Variants in SI observed in about 807,000 individuals in gnomAD.
SI encodes sucrase-isomaltase.
A neutral mutation model predicts 253.3 loss-of-function variants in SI; 235 were observed. The observed-to-expected ratio is 0.93, with a 90% CI of 0.83 to 1.03. The LOEUF (loss-of-function observed/expected upper bound fraction) is 1.03. Among genes scored for constraint, SI ranks in the 50% least tolerant of loss-of-function variants. SI has a pLI of 0.00. For missense variants in SI, 2,442 were observed against 2,211.1 expected (o/e 1.10, Z -2.09); for synonymous variants, 819 against 712.0 (o/e 1.15, Z -2.39).
intron 2 of SI, among the ~76,000 whole-genome samples, chr3:165,075,295 A>T (rs1295126844): frequency 1.3e-5 from 2 of 152,038 alleles, no homozygotes. Context: ...AGTCTAGAAG[A>T]TAATGTGTAA....
At chr3:165,065,236 T>C (rs940450895) in intron 7 of SI, 25 bp downstream of exon 7, 46 of 1,494,542 alleles carry the variant, frequency 3.1e-5, no homozygotes, top group Non-Finnish European at 4.3e-5. Flanking sequence ...TGATTTTATT[T>C]ATAACAAGAA....
intron 3 of SI, among the ~76,000 whole-genome samples, chr3:165,070,378 GTGTT>G (rs1001643723): frequency 1.2e-4 from 17 of 144,990 alleles, no homozygotes; most frequent in African/African-American, 4.2e-4. Flanking sequence ...GTGTGTGTGT[GTGTT>G]TGAGTATGTA....
intron 19 of SI, 60 bp from the exon 20 acceptor site, chr3:165,039,194 A>G: frequency 8.5e-7 from 1 of 1,182,324 alleles, no homozygotes; most frequent in Non-Finnish European, 1.2e-6. Context: ...GATCTTATCA[A>G]ATATTAAGTT....
At chr3:165,021,205 A>T (rs201887924) in intron 27 of SI, 24 bp downstream of exon 27, 4 of 1,596,952 alleles carry the variant, frequency 2.5e-6, no homozygotes, top group African/African-American at 1.3e-5. Flanking sequence ...AATATCCTTT[A>T]TATCAAATAA....
chr3:165,017,149 A>G (rs1473991074), intron 31 of SI, among the ~76,000 whole-genome samples: 1 of 151,926 alleles, frequency 6.6e-6, no homozygotes, highest in Non-Finnish European at 1.5e-5. Flanking sequence ...AGGGCAAAAA[A>G]AAAATTAGTT....
At chr3:165,069,286 A>G in intron 3 of SI, 91 bp from the exon 4 acceptor site, 1 of 916,046 alleles carries the variant, frequency 1.1e-6, no homozygotes, top group Non-Finnish European at 1.8e-6. Context: ...ATTTTAAAAT[A>G]ATCTAACTTT....
At chr3:165,014,020 C>G (rs1010580075) in intron 33 of SI, among the ~76,000 whole-genome samples, 2 of 152,142 alleles carry the variant, frequency 1.3e-5, no homozygotes, top group Non-Finnish European at 2.9e-5. Flanking sequence ...TGCCACTGTG[C>G]CCAGCCCTGT....
At chr3:164,984,726 T>C (rs1717355990) in intron 45 of SI, among the ~76,000 whole-genome samples, 1 of 152,164 alleles carries the variant, frequency 6.6e-6, no homozygotes, top group African/African-American at 2.4e-5. Flanking sequence ...GAAGTTCATT[T>C]TGATTTACCT....
chr3:165,049,298 T>C lies in SI; in HGVS notation c.1598-54A>G, dbSNP rs958371271. 20 of 1,012,756 alleles carry C rather than the reference T, an allele frequency of 2.0e-5. No homozygotes were observed. In the East Asian group the frequency reaches 5.0e-4, roughly 25 times the overall value. 62.7% of individuals were successfully genotyped at this position (1,012,756 alleles called of 1,614,324 possible). A position where few individuals can be genotyped will look rare whatever the true frequency, so the allele number is the denominator to read the frequency against. ...TTATATTTTTCCATTATAAAAGTTATATATTTTCCATCATAAATGTCATAT... is the reference window on the plus strand; with the variant it reads ...TTATATTTTTCCATTATAAAAGTTACATATTTTCCATCATAAATGTCATAT... On this transcript the variant is annotated intron_variant, in intron 14 of 47. Coordinates refer to ENST00000264382, the MANE Select transcript of SI (RefSeq NM_001041.4).
At chr3:165,006,736 G>T (rs965454245) in intron 37 of SI, 80 bp downstream of exon 37, 6 of 1,225,660 alleles carry the variant, frequency 4.9e-6, no homozygotes, top group African/African-American at 4.5e-5. Context: ...GAAGATTGTC[G>T]GGACTGTTAA....
At position 164,982,401 on chromosome 3, in the gene SI, T is replaced by G. The variant is rs1195493456; in HGVS notation, c.5257A>C (p.Thr1753Pro). 1 of 1,609,720 alleles carries G rather than the reference T, an allele frequency of 6.2e-7. No individual in the cohort carries two copies. Among genetic ancestry groups the G allele is most frequent in the Non-Finnish European group, 8.5e-7 (1 of 1,176,640 alleles). Residue 1753 changes from threonine to proline, a missense_variant, in exon 47 of 48, where the codon ACA (threonine) becomes CCA (proline). Physicochemically the swap from Thr to Pro is conservative, Grantham distance 38 (BLOSUM62 -1). Transcript: ENST00000264382. ...VQFNLNQTTL[T>P]STILKRGYIN... ...TAACCTCTCTTCAATATAGTGCTTGTTAAGGTGGTCTATAAATAAAGAAAA... is the reference window on the plus strand; with the variant it reads ...TAACCTCTCTTCAATATAGTGCTTGGTAAGGTGGTCTATAAATAAAGAAAA...
chr3:165,028,356 C>T (rs1472413636), intron 25 of SI, among the ~76,000 whole-genome samples: 1 of 151,342 alleles, frequency 6.6e-6, no homozygotes, highest in Admixed American at 6.6e-5. Context: ...GTGAAAATGA[C>T]CATACTGCCA....
At chr3:165,088,571 G>A in the SI span, among the ~76,000 whole-genome samples, 1 of 151,832 alleles carries the variant, frequency 6.6e-6, no homozygotes, top group East Asian at 1.9e-4. Flanking sequence ...AACCTGGGAG[G>A]CAGAAGTTGC....
At chr3:165,006,374 TGC>T (rs889487694) in intron 37 of SI, among the ~76,000 whole-genome samples, 2 of 152,212 alleles carry the variant, frequency 1.3e-5, no homozygotes. Context: ...CCTCCCAAAG[TGC>T]TGGGATTACA....
At chr3:165,035,603 A>G (rs1447716503) in intron 22 of SI, among the ~76,000 whole-genome samples, 1 of 151,500 alleles carries the variant, frequency 6.6e-6, no homozygotes, top group East Asian at 1.9e-4. Flanking sequence ...TGTCCTTCCT[A>G]TATTTATCTG....
At chr3:165,006,675 C>T (rs894040597) in intron 37 of SI, 141 bp downstream of exon 37, 26 of 660,800 alleles carry the variant, frequency 3.9e-5, no homozygotes, top group Admixed American at 5.6e-5. Context: ...TTTCTAAATG[C>T]TATGAAGGAA....
At chr3:165,050,583 G>T (rs551986284) in intron 13 of SI, among the ~76,000 whole-genome samples, 5 of 152,108 alleles carry the variant, frequency 3.3e-5, no homozygotes, top group East Asian at 1.9e-4. Flanking sequence ...CACTAAAAAA[G>T]ATAAATTTTA....
chr3:165,089,266 A>G, the SI span, among the ~76,000 whole-genome samples: 2 of 152,136 alleles, frequency 1.3e-5, no homozygotes, highest in Non-Finnish European at 2.9e-5. Context: ...AATATTAAAT[A>G]GAAACAGGAG....
intron 33 of SI, among the ~76,000 whole-genome samples, chr3:165,014,871 G>C (rs921033834): frequency 6.6e-6 from 1 of 152,014 alleles, no homozygotes; most frequent in African/African-American, 2.4e-5. Flanking sequence ...TAAATTACAA[G>C]TGGTACCAAT....
Sources: allele counts gnomAD v4.1 joint callset (sites outside exome capture counted in the v4.1 genomes callset), GRCh38; gene constraint gnomAD v4.1.1; transcripts MANE v1.5; gene names NCBI Gene and HGNC (gene_info 2026-07-23, HGNC 2026-07-21).